Variants in FAT1 observed in about 807,000 individuals in gnomAD.
FAT1 encodes FAT atypical cadherin 1.
FAT1 carries 171 observed loss-of-function variants against 329.8 expected under a neutral mutation model. The observed-to-expected ratio is 0.52, with a 90% CI of 0.46 to 0.59. FAT1 has a LOEUF of 0.59. Ranked by LOEUF, FAT1 falls within the 20% of genes least tolerant of loss-of-function variation. The pLI is 0.00. For missense variants in FAT1, 5,672 were observed against 5,774.4 expected, an observed-to-expected ratio of 0.98 and a Z score of 0.57; for synonymous variants, 2,233 against 2,228.6, an observed-to-expected ratio of 1.00 and a Z score of -0.06.
At chr4:186,709,955 T>C (rs1246291636) in intron 1 of FAT1, 110 bp from the exon 2 acceptor site, 3 of 975,718 alleles carry the variant, frequency 3.1e-6, no homozygotes, top group Non-Finnish European at 4.4e-6. Context: ...ACATGGAATA[T>C]AAATAAATGC....
chr4:186,643,196 A>G (rs746751587), intron 3 of FAT1, among the ~76,000 whole-genome samples: 25 of 152,162 alleles, frequency 1.6e-4, no homozygotes, highest in Non-Finnish European at 2.2e-4. Flanking sequence ...TGACGACAGC[A>G]TGGAGCAAGG....
chr4:186,598,159 C>G (rs1738628510), intron 22 of FAT1, 34 bp from the exon 23 acceptor site: 2 of 1,565,472 alleles, frequency 1.3e-6, no homozygotes, highest in Non-Finnish European at 1.7e-6. Flanking sequence ...AAAGTCCTAT[C>G]ACTCAATGAC....
chr4:186,676,716 T>C (rs761314184), intron 2 of FAT1, among the ~76,000 whole-genome samples: 71 of 152,340 alleles, frequency 4.7e-4, no homozygotes, highest in Non-Finnish European at 9.4e-4. Context: ...AAGCACTACA[T>C]TGGTCTCTGT....
At position 186,588,046 on chromosome 4, in the gene FAT1, C is replaced by T. The variant is rs992516979; in HGVS notation, c.*546G>A. The T allele has an allele frequency of 2.3e-4, 51 of 217,510 alleles. No homozygotes were observed. The highest frequency in any genetic ancestry group is 1.1e-3 in the African/African-American group (49 of 44,316). The allele number at this position is 217,510 out of a possible 1,614,324, so 13.5% of individuals were successfully genotyped here. On this transcript the variant is annotated 3_prime_UTR_variant, in exon 27 of 27. Coordinates refer to ENST00000441802, the MANE Select transcript of FAT1 (RefSeq NM_005245.4). ...GATCTCTCCTTCATCCTATGTACAG[C>T]TAGAAATGAATGACTACACTGAAAT...
intron 11 of FAT1, among the ~76,000 whole-genome samples, chr4:186,616,659 C>A (rs182014541): frequency 2.0e-5 from 3 of 152,190 alleles, no homozygotes; most frequent in Admixed American, 6.5e-5. Flanking sequence ...CAGTGTCTCA[C>A]GGCACGTCGG....
intron 2 of FAT1, among the ~76,000 whole-genome samples, chr4:186,664,312 C>T (rs1742330146): frequency 6.6e-6 from 1 of 152,134 alleles, no homozygotes; most frequent in African/African-American, 2.4e-5. Flanking sequence ...AATGGGAAGA[C>T]AACCAGCATG....
intron 2 of FAT1, among the ~76,000 whole-genome samples, chr4:186,676,199 G>A (rs1742950176): frequency 6.6e-6 from 1 of 150,842 alleles, no homozygotes; most frequent in African/African-American, 2.4e-5. Flanking sequence ...CCTTTCTTCA[G>A]TTATGAGTTC....
At chr4:186,691,682 C>T (rs973843317) in intron 2 of FAT1, among the ~76,000 whole-genome samples, 1 of 152,086 alleles carries the variant, frequency 6.6e-6, no homozygotes, top group African/African-American at 2.4e-5. Flanking sequence ...GTGGCATATG[C>T]CTGTAGTCCC....
chr4:186,637,740 C>T (rs1740898417), intron 4 of FAT1, among the ~76,000 whole-genome samples: 1 of 152,154 alleles, frequency 6.6e-6, no homozygotes. Flanking sequence ...TTATTCTCCC[C>T]TATCCACACC....
rs373265178 is a variant in FAT1 at position 186,709,558 on chromosome 4, G to T, written c.270C>A (p.Leu90=). The change falls in exon 2 of 27, where the codon CTC becomes CTA. Residue 90 remains leucine, a synonymous_variant. Transcript: ENST00000441802. ...ENLFKAEEYI[L]GDFCFLRIRT... ...TTATTCTTAGAAAGCAAAAGTCTCCGAGAATGTACTCTTCAGCTTTGAACA... is the reference window on the plus strand; with the variant it reads ...TTATTCTTAGAAAGCAAAAGTCTCCTAGAATGTACTCTTCAGCTTTGAACA... 6.2e-7 allele frequency: 1 copy of T among 1,613,940 alleles called. No individual in the cohort carries two copies. The highest frequency in any genetic ancestry group is 1.1e-5 in the South Asian group (1 of 91,088).
At chr4:186,649,638 T>C (rs1015225377) in intron 3 of FAT1, among the ~76,000 whole-genome samples, 5 of 152,140 alleles carry the variant, frequency 3.3e-5, no homozygotes, top group African/African-American at 1.2e-4. Context: ...TCCTGGAGAC[T>C]GGGAGGAGCG....
chr4:186,621,746 G>A lies in FAT1; in HGVS notation c.4840C>T (p.Pro1614Ser), dbSNP rs986675020. The A allele has an allele frequency of 1.9e-6, 3 of 1,579,504 alleles. No individual in the cohort carries two copies. Among genetic ancestry groups the A allele is most frequent in the Middle Eastern group, 1.7e-4 (1 of 5,910 alleles). Residue 1614 changes from proline to serine, a missense_variant, in exon 10 of 27, where the codon CCT becomes TCT. By Grantham distance (74) the Pro-to-Ser change is moderately conservative. Around this residue, in one of 2 missense-constraint regions of FAT1, gnomAD observed 3,966 missense variants for 3,915.2 expected, o/e 1.01. Transcript: ENST00000441802. The part of the protein sequence containing the change: ...GNIGNSFMID[P>S]VLGSIKTAKE... Reference sequence around the variant, plus strand: ...GCAGTTTTAATAGAGCCCAAGACAGGATCAATCATAAAAGAATTTCCAATA... The same window carrying A: ...GCAGTTTTAATAGAGCCCAAGACAGAATCAATCATAAAAGAATTTCCAATA...
At chr4:186,610,644 AATT>A (rs1739379262) in intron 14 of FAT1, among the ~76,000 whole-genome samples, 1 of 93,054 alleles carries the variant, frequency 1.1e-5, no homozygotes, top group Non-Finnish European at 2.4e-5. Flanking sequence ...TAATTTATAT[AATT>A]TATATAAATA....
chr4:186,600,858 C>G (rs28491364), intron 21 of FAT1, among the ~76,000 whole-genome samples: 45,845 of 152,112 alleles, frequency 0.3, 7,226 homozygotes, highest in East Asian at 0.4. Flanking sequence ...TTACAGGCGT[C>G]CGCCACCAAG....
Position 186,707,022 on chromosome 4 carries a change from C to CT in FAT1, c.2805dup (p.Val936SerfsTer20). 6.2e-7 allele frequency: 1 copy of CT among 1,614,000 alleles called. No homozygotes were observed. Among genetic ancestry groups the CT allele is most frequent in the Non-Finnish European group, 8.5e-7 (1 of 1,179,900 alleles). ...GTTCCTTCTGGAAGATCCTCTCGGACTTTCACACGATAATTAGGTGGAATA... is the reference window on the plus strand; with the variant it reads ...GTTCCTTCTGGAAGATCCTCTCGGACTTTTCACACGATAATTAGGTGGAATA... On this transcript the variant is annotated frameshift_variant, in exon 2 of 27. Transcript: ENST00000441802. LOFTEE classifies it high-confidence loss of function.
At chr4:186,721,719 C>G (rs1372417128) in intron 1 of FAT1, among the ~76,000 whole-genome samples, 1 of 152,216 alleles carries the variant, frequency 6.6e-6, no homozygotes, top group East Asian at 1.9e-4. Context: ...AAGATCCTAT[C>G]CACCTCTAAC....
chr4:186,612,112 G>A (rs1284159657), intron 13 of FAT1, among the ~76,000 whole-genome samples: 3 of 138,946 alleles, frequency 2.2e-5, no homozygotes, highest in South Asian at 4.6e-4. Flanking sequence ...CCCGGCCAAC[G>A]CTTTTTTTTT....
intron 2 of FAT1, among the ~76,000 whole-genome samples, chr4:186,673,908 A>G (rs1742840315): frequency 6.6e-6 from 1 of 152,154 alleles, no homozygotes; most frequent in African/African-American, 2.4e-5. Flanking sequence ...GATAAGCTCT[A>G]CTGTTAAAGA....
rs1415427392 is a variant in FAT1 at position 186,708,746 on chromosome 4, T to C, written c.1082A>G (p.Lys361Arg). 4.3e-6 allele frequency: 7 copies of C among 1,613,998 alleles called. No homozygotes were observed. The highest frequency in any genetic ancestry group is 5.9e-6 in the Non-Finnish European group (7 of 1,179,886). Residue 361 changes from lysine (K) to arginine (R), a missense_variant, in exon 2 of 27, where the codon AAA (lysine) becomes AGA (arginine). Lys to Arg is a conservative substitution (Grantham distance 26). Coordinates refer to ENST00000441802, the MANE Select transcript of FAT1 (RefSeq NM_005245.4). ...KVIHVTSPQF[K>R]AGPVKFEKDV... is the part of the protein sequence containing the mutation. ...CTTTTCAAACTTGACTGGCCCGGCT[T>C]TGAACTGTGGAGAAGTCACGTGAAT...
Sources: gnomAD v4.1 joint callset for allele counts (sites outside exome capture counted in the v4.1 genomes callset) on GRCh38, gnomAD v4.1.1 for gene constraint, gnomAD v4.1.1 regional missense constraint, MANE v1.5 for transcripts, NCBI Gene and HGNC (gene_info 2026-07-23, HGNC 2026-07-21) for gene names.